The following GRAMD1B variants were observed in gnomAD, a reference collection of about 807,000 sequenced individuals.
GRAMD1B encodes the protein protein Aster-B.
GRAMD1B carries 37 observed loss-of-function variants against 99.7 expected under a neutral mutation model. The observed-to-expected ratio is 0.37, with a 90% CI of 0.29 to 0.49. The LOEUF (loss-of-function observed/expected upper bound fraction) is 0.49, where lower values mean the gene tolerates loss of function less well. GRAMD1B is among the 20% of genes least tolerant of loss of function. The pLI is 0.98. For synonymous variants in GRAMD1B, 427 were observed against 387.6 expected, an observed-to-expected ratio of 1.10 and a Z score of -1.19; for missense variants, 888 against 1,009.2, an observed-to-expected ratio of 0.88 and a Z score of 1.63.
chr11:123,519,630 G>T (rs1378040374), intron 2 of GRAMD1B, among the ~76,000 whole-genome samples: 1 of 152,234 alleles, frequency 6.6e-6, no homozygotes, highest in South Asian at 2.1e-4. Context: ...GCAACTAGAG[G>T]CATGCAGCTA....
chr11:123,359,707 C>T (rs890952235), intron 1 of GRAMD1B, among the ~76,000 whole-genome samples: 1 of 151,988 alleles, frequency 6.6e-6, no homozygotes, highest in African/African-American at 2.4e-5. Context: ...TTGTACATAT[C>T]GCGAACGCTT....
chr11:123,558,328 C>G (rs1021545565), intron 2 of GRAMD1B, among the ~76,000 whole-genome samples: 1 of 152,026 alleles, frequency 6.6e-6, no homozygotes, highest in Non-Finnish European at 1.5e-5. Flanking sequence ...CTCCTACATG[C>G]TGGAGGGACA....
intron 1 of GRAMD1B, among the ~76,000 whole-genome samples, chr11:123,377,341 A>C (rs1946721903): frequency 6.6e-6 from 1 of 152,206 alleles, no homozygotes; most frequent in African/African-American, 2.4e-5. Context: ...TGTGAACTTA[A>C]TGATCATTCT....
intron 2 of GRAMD1B, among the ~76,000 whole-genome samples, chr11:123,533,336 C>G (rs771053440): frequency 3.9e-5 from 6 of 152,112 alleles, no homozygotes; most frequent in Non-Finnish European, 5.9e-5. Context: ...CAGTCCTGTT[C>G]TAGGTACTGT....
At chr11:123,441,945 G>T (rs1243156405) in intron 1 of GRAMD1B, among the ~76,000 whole-genome samples, 1 of 152,200 alleles carries the variant, frequency 6.6e-6, no homozygotes, top group Admixed American at 6.5e-5. Context: ...TCTGTGCCTT[G>T]CACTTCTAGA....
chr11:123,414,890 C>A (rs893768283), intron 1 of GRAMD1B, among the ~76,000 whole-genome samples: 3 of 152,134 alleles, frequency 2.0e-5, no homozygotes, highest in African/African-American at 7.2e-5. Context: ...CGCTCTAGAG[C>A]CTTGGGGTTT....
At chr11:123,427,318 A>T (rs1948690450), upstream of GRAMD1B, among the ~76,000 whole-genome samples, 1 of 152,230 alleles carries the variant, frequency 6.6e-6, no homozygotes. Context: ...TTGATTAGCC[A>T]TCATCATTTA....
At chr11:123,372,875 C>T (rs960237777) in intron 1 of GRAMD1B, among the ~76,000 whole-genome samples, 11 of 152,186 alleles carry the variant, frequency 7.2e-5, no homozygotes, top group African/African-American at 2.2e-4. Flanking sequence ...TGCAGTGGCT[C>T]ATGCCTGTAA....
At chr11:123,395,932 G>C (rs144948825) in intron 1 of GRAMD1B, among the ~76,000 whole-genome samples, 48 of 152,306 alleles carry the variant, frequency 3.2e-4, no homozygotes, top group African/African-American at 1.1e-3. Context: ...CTCAAAGGAG[G>C]TATCAGAGAT....
chr11:123,433,356 C>T (rs1054879901), intron 1 of GRAMD1B, among the ~76,000 whole-genome samples: 5 of 152,094 alleles, frequency 3.3e-5, no homozygotes, highest in African/African-American at 9.7e-5. Flanking sequence ...CCAGCCTGGG[C>T]AACAAGAGCG....
At chr11:123,422,684 C>A (rs1948491258) in intron 1 of GRAMD1B, among the ~76,000 whole-genome samples, 1 of 152,192 alleles carries the variant, frequency 6.6e-6, no homozygotes, top group South Asian at 2.1e-4. Context: ...AGCCAAAAGG[C>A]CGAGAAGCGA....
intron 1 of GRAMD1B, among the ~76,000 whole-genome samples, chr11:123,374,936 T>C (rs1369292774): frequency 1.3e-5 from 2 of 152,228 alleles, no homozygotes; most frequent in African/African-American, 4.8e-5. Flanking sequence ...CCAGGTCTGA[T>C]CTATTAACAT....
At chr11:123,618,361 T>C (rs2137107399) in intron 17 of GRAMD1B, 2 of 1,612,348 alleles carry the variant, frequency 1.2e-6, no homozygotes, top group East Asian at 2.2e-5. Context: ...TTTCAGGTAC[T>C]GGCTCTATGA....
chr11:123,453,173 T>G (rs146090638), intron 1 of GRAMD1B, among the ~76,000 whole-genome samples: 9 of 152,200 alleles, frequency 5.9e-5, no homozygotes, highest in African/African-American at 1.9e-4. Flanking sequence ...AGTGTGCAAA[T>G]AACTCCAAAC....
At chr11:123,441,255 G>T (rs77780929) in intron 1 of GRAMD1B, among the ~76,000 whole-genome samples, 2,591 of 152,104 alleles carry the variant, frequency 0.017, 65 homozygotes, top group African/African-American at 0.059. Context: ...ACTCATTCTC[G>T]AAAGAATGGC....
intron 1 of GRAMD1B, among the ~76,000 whole-genome samples, chr11:123,398,457 A>G (rs1947545322): frequency 6.6e-6 from 1 of 152,226 alleles, no homozygotes; most frequent in Non-Finnish European, 1.5e-5. Context: ...AGATCGACAT[A>G]TTAATTTTGG....
chr11:123,470,929 A>G (rs186745558), intron 1 of GRAMD1B, among the ~76,000 whole-genome samples: 19 of 152,314 alleles, frequency 1.2e-4, no homozygotes, highest in African/African-American at 4.3e-4. Context: ...ACTGTCCACA[A>G]TGAAGCCACG....
In GRAMD1B at chr11:123,610,376, G is replaced by T. The variant is rs551117773; in HGVS notation, c.1919+38G>T. On this transcript the variant is annotated intron_variant, in intron 14 of 19. Transcript: ENST00000635736. The surrounding 1 kb of genome is among the most constrained non-coding windows in gnomAD (Gnocchi z 4.1). ...GAAGTCCCAGTGCGGTCAGACGGGGGTCCTTACCTTAGAGAACATTCATTT... is the reference window on the plus strand; with the variant it reads ...GAAGTCCCAGTGCGGTCAGACGGGGTTCCTTACCTTAGAGAACATTCATTT... 9.3e-6 allele frequency: 15 copies of T among 1,605,694 alleles called. No individual in the cohort carries two copies. Among genetic ancestry groups the T allele is most frequent in the South Asian group, 8.8e-5 (8 of 90,872 alleles).
chr11:123,426,620 G>A (rs1338414269), upstream of GRAMD1B, among the ~76,000 whole-genome samples: 1 of 152,160 alleles, frequency 6.6e-6, no homozygotes, highest in East Asian at 1.9e-4. Context: ...TTGTGTAGGG[G>A]AGAGACTCTG....
Sources: allele counts gnomAD v4.1 joint callset (sites outside exome capture counted in the v4.1 genomes callset), GRCh38; gene constraint gnomAD v4.1.1; non-coding constraint Gnocchi (gnomAD v3.1); transcripts MANE v1.5; gene names NCBI Gene and HGNC (gene_info 2026-07-23, HGNC 2026-07-21).